KCND2: variants seen among roughly 807,000 people sequenced by gnomAD.
The protein encoded by KCND2 is A-type voltage-gated potassium channel KCND2.
Under a neutral mutation model 54.4 loss-of-function variants are expected in KCND2, and 16 were observed. The observed-to-expected ratio is 0.29, with a 90% CI of 0.20 to 0.45. KCND2 has a LOEUF of 0.45. Among genes scored for constraint, KCND2 ranks in the 20% least tolerant of loss-of-function variants. The probability of loss-of-function intolerance (pLI) is 1.00; values close to 1 mark genes in which losing one functional copy is unlikely to be tolerated. For synonymous variants in KCND2, 317 were observed against 310.7 expected, an observed-to-expected ratio of 1.02 and a Z score of -0.21; for missense variants, 486 against 824.2, an observed-to-expected ratio of 0.59 and a Z score of 5.02.
intron 1 of KCND2, among the ~76,000 whole-genome samples, chr7:120,397,951 A>G (rs1171982496): frequency 3.4e-5 from 5 of 148,012 alleles, no homozygotes; most frequent in African/African-American, 1.2e-4. Context: ...ACATATACAT[A>G]ACTATATGTG....
At chr7:120,321,823 G>T (rs74417731) in intron 1 of KCND2, among the ~76,000 whole-genome samples, 32 of 152,122 alleles carry the variant, frequency 2.1e-4, no homozygotes, top group African/African-American at 7.7e-4. Flanking sequence ...GTATCTTTCT[G>T]TCCTCACCAA....
intron 1 of KCND2, among the ~76,000 whole-genome samples, chr7:120,677,524 T>TATATATAG (rs1554384944): frequency 7.8e-6 from 1 of 128,976 alleles, no homozygotes; most frequent in South Asian, 2.3e-4. Flanking sequence ...CAAATATATA[T>TATATATAG]ATATAGATAT....
At chr7:120,446,884 A>G (rs1450645002) in intron 1 of KCND2, among the ~76,000 whole-genome samples, 2 of 152,178 alleles carry the variant, frequency 1.3e-5, no homozygotes, top group African/African-American at 4.8e-5. Flanking sequence ...GGCATTTTGC[A>G]TTTCTAAAAA....
chr7:120,674,358 A>G (rs138679461), intron 1 of KCND2, among the ~76,000 whole-genome samples: 1 of 150,702 alleles, frequency 6.6e-6, no homozygotes, highest in East Asian at 1.9e-4. Context: ...CTATCACACT[A>G]GCATTGCAAC....
chr7:120,719,152 TTTAAC>T (rs919453043), intron 1 of KCND2, among the ~76,000 whole-genome samples: 5 of 152,188 alleles, frequency 3.3e-5, no homozygotes, highest in African/African-American at 4.8e-5. Flanking sequence ...TACCATTTAC[TTTAAC>T]TTATTTTTCA....
At chr7:120,286,040 T>A (rs1401811713) in intron 1 of KCND2, among the ~76,000 whole-genome samples, 3 of 151,686 alleles carry the variant, frequency 2.0e-5, no homozygotes, top group Non-Finnish European at 3.0e-5. Context: ...AAAGGGAGGA[T>A]TTTTTTTCAG....
At chr7:120,577,555 C>CT (rs1792452301) in intron 1 of KCND2, among the ~76,000 whole-genome samples, 1 of 148,792 alleles carries the variant, frequency 6.7e-6, no homozygotes, top group African/African-American at 2.6e-5. Flanking sequence ...CAACAACAAC[C>CT]GCAAACAAAC....
chr7:120,497,945 G>A (rs541543246), intron 1 of KCND2, among the ~76,000 whole-genome samples: 3 of 151,988 alleles, frequency 2.0e-5, no homozygotes, highest in East Asian at 1.9e-4. Flanking sequence ...AACACAGTAC[G>A]CATTAAAATA....
intron 1 of KCND2, among the ~76,000 whole-genome samples, chr7:120,437,707 T>C (rs1241049960): frequency 6.6e-6 from 1 of 152,254 alleles, no homozygotes; most frequent in African/African-American, 2.4e-5. Context: ...ATGTTTCACT[T>C]ATTTCCATAC....
chr7:120,607,414 T>G (rs1394050552), intron 1 of KCND2, among the ~76,000 whole-genome samples: 3 of 152,172 alleles, frequency 2.0e-5, no homozygotes, highest in Admixed American at 6.6e-5. Context: ...TTAAAAGATC[T>G]GTAGGGTAAG....
intron 1 of KCND2, among the ~76,000 whole-genome samples, chr7:120,433,291 A>G (rs957943360): frequency 6.6e-6 from 1 of 152,182 alleles, no homozygotes; most frequent in African/African-American, 2.4e-5. Context: ...TAAAAGATGG[A>G]ACAGTGCTGC....
chr7:120,526,718 A>G (rs923693732), intron 1 of KCND2, among the ~76,000 whole-genome samples: 2 of 152,202 alleles, frequency 1.3e-5, no homozygotes, highest in African/African-American at 4.8e-5. Flanking sequence ...TTCAATGTGG[A>G]AAAATGTTTA....
chr7:120,352,151 T>C (rs1050261310), intron 1 of KCND2, among the ~76,000 whole-genome samples: 1 of 152,028 alleles, frequency 6.6e-6, no homozygotes, highest in African/African-American at 2.4e-5. Context: ...TTGGCCAGGA[T>C]GGTCTCGATC....
intron 1 of KCND2, among the ~76,000 whole-genome samples, chr7:120,313,279 T>G (rs1202916841): frequency 6.6e-6 from 1 of 152,188 alleles, no homozygotes; most frequent in Non-Finnish European, 1.5e-5. Flanking sequence ...ACAAATTGAT[T>G]GATAAAGATA....
At chr7:120,408,025 G>C (rs1584766294) in intron 1 of KCND2, among the ~76,000 whole-genome samples, 1 of 151,738 alleles carries the variant, frequency 6.6e-6, no homozygotes, top group Admixed American at 6.6e-5. Flanking sequence ...TCTTGCTCTT[G>C]CAACACATGT....
At chr7:120,567,810 C>A (rs1792316259) in intron 1 of KCND2, among the ~76,000 whole-genome samples, 1 of 151,908 alleles carries the variant, frequency 6.6e-6, no homozygotes, top group South Asian at 2.1e-4. Context: ...TGTCATCATG[C>A]CAGAAAAGAA....
chr7:120,444,012 TTCCTTAGCA>T (rs1402447643), intron 1 of KCND2, among the ~76,000 whole-genome samples: 1 of 152,100 alleles, frequency 6.6e-6, no homozygotes, highest in African/African-American at 2.4e-5. Flanking sequence ...CTCCTGCTGT[TTCCTTAGCA>T]TGAAATGTCA....
chr7:120,401,648 C>G (rs527299276), intron 1 of KCND2, among the ~76,000 whole-genome samples: 2 of 152,138 alleles, frequency 1.3e-5, no homozygotes, highest in Non-Finnish European at 2.9e-5. Flanking sequence ...GGCGTCAGTC[C>G]TCTTCCCCCC....
intron 1 of KCND2, among the ~76,000 whole-genome samples, chr7:120,415,148 G>A (rs1476649102): frequency 6.6e-6 from 1 of 152,080 alleles, no homozygotes; most frequent in Non-Finnish European, 1.5e-5. Context: ...TATCAACATT[G>A]CCATGTAATC....
Sources: allele counts gnomAD v4.1 joint callset (sites outside exome capture counted in the v4.1 genomes callset), GRCh38; gene constraint gnomAD v4.1.1; transcripts MANE v1.5; gene names NCBI Gene and HGNC (gene_info 2026-07-23, HGNC 2026-07-21).